The following EIF2AK3 variants were observed in gnomAD, a reference collection of about 807,000 sequenced individuals.
The protein encoded by EIF2AK3 is eukaryotic translation initiation factor 2 alpha kinase 3.
A neutral mutation model predicts 113.5 loss-of-function variants in EIF2AK3; 50 were observed. The ratio of observed to expected loss-of-function variants is 0.44; its 90% CI spans 0.35 to 0.56. The LOEUF (loss-of-function observed/expected upper bound fraction) is 0.56, where lower values mean the gene tolerates loss of function less well. Ranked by LOEUF, EIF2AK3 falls within the 20% of genes least tolerant of loss-of-function variation. EIF2AK3 has a pLI of 0.00. For missense variants in EIF2AK3, 1,185 were observed against 1,378.0 expected (o/e 0.86, Z 2.22); for synonymous variants, 448 against 495.4 (o/e 0.90, Z 1.27).
At chr2:88,609,354 G>C (rs1436235065) in intron 2 of EIF2AK3, among the ~76,000 whole-genome samples, 3 of 152,172 alleles carry the variant, frequency 2.0e-5, no homozygotes, top group Admixed American at 6.5e-5. Flanking sequence ...TTGCCCTGAA[G>C]GTATAAAAGC....
chr2:88,589,985 C>G (rs1674840771), intron 6 of EIF2AK3, among the ~76,000 whole-genome samples: 2 of 152,100 alleles, frequency 1.3e-5, no homozygotes, highest in Non-Finnish European at 2.9e-5. Flanking sequence ...TGCCTGTAAT[C>G]CCAGCACTTT....
chr2:88,587,204 CAAAAAAAAAAAAA>C (rs780050125), intron 8 of EIF2AK3, among the ~76,000 whole-genome samples: 1 of 30,262 alleles, frequency 3.3e-5, no homozygotes, highest in Non-Finnish European at 5.3e-5. Context: ...AACTCCATCT[CAAAAAAAAAAAAA>C]AAAAAAAAAA....
At chr2:88,567,474 C>T (rs775482626) in intron 14 of EIF2AK3, among the ~76,000 whole-genome samples, 13 of 152,152 alleles carry the variant, frequency 8.5e-5, no homozygotes, top group Admixed American at 8.5e-4. Context: ...TTCTTACCAT[C>T]GTCCATTTCC....
At position 88,591,005 on chromosome 2, in the gene EIF2AK3, A is replaced by G; in HGVS notation, c.815T>C (p.Met272Thr). ...GHFELRYIPD[M>T]ETRAGFIEST... ...TTCAATAAATCCGGCTCTCGTTTCC[A>G]TGTCTGGAATATACCGAAGTTCAAA... The change falls in exon 5 of 17, where the codon ATG becomes ACG. Residue 272 changes from methionine to threonine, a missense_variant. Physicochemically the swap from Met to Thr is moderately conservative, Grantham distance 81. This residue lies in a region of EIF2AK3 where 877 missense variants were observed against 1,024.2 expected (regional missense o/e 0.86). Coordinates refer to ENST00000303236, the MANE Select transcript of EIF2AK3 (RefSeq NM_004836.7). 1 of 1,614,064 alleles carries G rather than the reference A, an allele frequency of 6.2e-7. No homozygotes were observed. The highest frequency in any genetic ancestry group is 8.5e-7 in the Non-Finnish European group (1 of 1,179,988).
At chr2:88,600,537 GT>G (rs1311357005) in intron 2 of EIF2AK3, among the ~76,000 whole-genome samples, 1 of 151,902 alleles carries the variant, frequency 6.6e-6, no homozygotes, top group African/African-American at 2.4e-5. Flanking sequence ...TTTCTTTATT[GT>G]TTTTTCCCTG....
At position 88,561,340 on chromosome 2, in the gene EIF2AK3, C is replaced by T. The variant is rs563352058; in HGVS notation, c.3087+949G>A. Among the ~76,000 whole-genome samples the T allele has an allele frequency of 2.6e-5, 4 of 151,570 alleles. No homozygotes were observed. The South Asian group carries it at 8.3e-4, about 32-fold the overall frequency. ...GCAGTGGCGCGATCTCTGCTCAATG[C>T]AAGCTCCGCCTCCCGGGTTCACACC... On this transcript the variant is annotated intron_variant, in intron 15 of 16. Coordinates refer to ENST00000303236, the MANE Select transcript of EIF2AK3 (RefSeq NM_004836.7).
intron 9 of EIF2AK3, among the ~76,000 whole-genome samples, chr2:88,584,035 A>G (rs1674658461): frequency 6.6e-6 from 1 of 152,246 alleles, no homozygotes; most frequent in African/African-American, 2.4e-5. Context: ...CCTCTTTACC[A>G]ACATCTCCTA....
intron 2 of EIF2AK3, chr2:88,595,900 C>G (rs62157774): frequency 5.3e-6 from 3 of 561,924 alleles, no homozygotes; most frequent in Non-Finnish European, 9.6e-6. Flanking sequence ...ACATAGTACT[C>G]TAGTAAGATT....
At position 88,627,059 on chromosome 2, in the gene EIF2AK3, C is replaced by A; in HGVS notation, c.216G>T (p.Val72=). The change falls in exon 1 of 17, where the codon GTG becomes GTT. Residue 72 remains valine (V), a synonymous_variant. Transcript: ENST00000303236. ...AGAVAAAEVT[V]EDAEALPAAA... ...CTGCCGGCAGCGCCTCAGCGTCCTC[C>A]ACAGTCACCTCGGCCGCAGCCACGG... The A allele has an allele frequency of 6.3e-7, 1 of 1,591,320 alleles. No individual in the cohort carries two copies.
intron 16 of EIF2AK3, among the ~76,000 whole-genome samples, chr2:88,558,471 G>T (rs1035260473): frequency 5.9e-5 from 9 of 152,160 alleles, no homozygotes; most frequent in African/African-American, 2.2e-4. Flanking sequence ...CCTGGGAATA[G>T]ATTCATCAAG....
At chr2:88,593,228 G>A (rs755490976) in intron 4 of EIF2AK3, 44 bp downstream of exon 4, 2 of 1,611,942 alleles carry the variant, frequency 1.2e-6, no homozygotes, top group East Asian at 2.2e-5. Flanking sequence ...GGTATTAGGT[G>A]TATTTCTAAA....
At position 88,599,712 on chromosome 2, in the gene EIF2AK3, CAGAT is replaced by C. The variant is rs1401688732; in HGVS notation, c.439-4053_439-4050del. 7.9e-5 allele frequency among the ~76,000 whole-genome samples: 12 copies of C among 152,080 alleles called. 1 individual carries two copies. The highest frequency in any genetic ancestry group is 7.2e-4 in the Admixed American group (11 of 15,260). On this transcript the variant is annotated intron_variant, in intron 2 of 16. Coordinates refer to ENST00000303236, the MANE Select transcript of EIF2AK3 (RefSeq NM_004836.7). The stretch of plus-strand genomic sequence containing the variant: ...AGGAGTTAAGTGTGTCTGCAGTAAA[CAGAT>C]AGCGTTTATTTTGACTTATTTCCTC...
At chr2:88,581,353 C>T (rs768853693) in intron 10 of EIF2AK3, among the ~76,000 whole-genome samples, 4 of 151,928 alleles carry the variant, frequency 2.6e-5, no homozygotes, top group African/African-American at 7.3e-5. Context: ...TTCATGATAC[C>T]GCATTTATTC....
Position 88,564,552 on chromosome 2 carries a change from GAC to G in EIF2AK3, c.2986-2164_2986-2163del, listed in dbSNP as rs528714550. ...TTCTCAAATGGCAACCCATTTCCAAGACACACACACACACACACACAGCAGCC... is the reference window on the plus strand; with the variant it reads ...TTCTCAAATGGCAACCCATTTCCAAGACACACACACACACACACAGCAGCC... On this transcript the variant is annotated intron_variant, in intron 14 of 16. Coordinates refer to ENST00000303236, the MANE Select transcript of EIF2AK3 (RefSeq NM_004836.7). 9.8e-4 allele frequency among the ~76,000 whole-genome samples: 146 copies of G among 148,794 alleles called. 1 individual carries two copies. The highest frequency in any genetic ancestry group is 1.6e-3 in the Non-Finnish European group (108 of 66,898).
chr2:88,559,510 C>CTGTGTGTGTGTGTGTGTGTG (rs141821640), intron 15 of EIF2AK3, among the ~76,000 whole-genome samples: 2 of 141,330 alleles, frequency 1.4e-5, no homozygotes, highest in Admixed American at 7.1e-5. Context: ...ACCAAGATGA[C>CTGTGTGTGTGTGTGTGTGTG]TGTGTGTGTG....
At chr2:88,576,822 A>G (rs1169701355) in intron 11 of EIF2AK3, 119 bp from the exon 12 acceptor site, 3 of 1,089,100 alleles carry the variant, frequency 2.8e-6, no homozygotes, top group East Asian at 5.2e-5. Flanking sequence ...ATAAAAAAGG[A>G]AAATTAAAGA....
At chr2:88,577,128 T>C (rs542132923) in intron 11 of EIF2AK3, among the ~76,000 whole-genome samples, 1 of 152,016 alleles carries the variant, frequency 6.6e-6, no homozygotes, top group East Asian at 1.9e-4. Flanking sequence ...GGATTACAGA[T>C]GCGCACCACC....
chr2:88,565,762 T>G (rs1674099922), intron 14 of EIF2AK3, among the ~76,000 whole-genome samples: 1 of 152,282 alleles, frequency 6.6e-6, no homozygotes, highest in South Asian at 2.1e-4. Context: ...TGATATTTTA[T>G]GGCTCTTCTA....
intron 1 of EIF2AK3, among the ~76,000 whole-genome samples, chr2:88,620,766 C>T (rs1347178286): frequency 6.6e-6 from 1 of 152,222 alleles, no homozygotes; most frequent in Non-Finnish European, 1.5e-5. Flanking sequence ...TCTTTTCACT[C>T]ACACTACTTT....
Sources: gnomAD v4.1 joint callset for allele counts (sites outside exome capture counted in the v4.1 genomes callset) on GRCh38, gnomAD v4.1.1 for gene constraint, gnomAD v4.1.1 regional missense constraint, MANE v1.5 for transcripts, NCBI Gene and HGNC (gene_info 2026-07-23, HGNC 2026-07-21) for gene names.